The following IL16 variants were observed in gnomAD, a reference collection of about 807,000 sequenced individuals.
The protein encoded by IL16 is interleukin 16, also known as pro-interleukin-16.
A neutral mutation model predicts 110.1 loss-of-function variants in IL16; 67 were observed. The ratio of observed to expected loss-of-function variants is 0.61; its 90% confidence interval spans 0.50 to 0.75. The LOEUF is 0.75. IL16 is among the 30% of genes least tolerant of loss of function. The pLI, the probability that IL16 is intolerant of heterozygous loss-of-function variation, is 0.00. For synonymous variants in IL16, 689 were observed against 662.9 expected (o/e 1.04, Z -0.61); for missense variants, 1,545 against 1,655.0 (o/e 0.93, Z 1.15).
chr15:81,192,037 A>G (rs1895505710), upstream of IL16, among the ~76,000 whole-genome samples: 1 of 152,244 alleles, frequency 6.6e-6, no homozygotes, highest in Non-Finnish European at 1.5e-5. Flanking sequence ...CTGATACTAC[A>G]GTGGTAGATC....
chr15:81,300,406 C>T lies in IL16; in HGVS notation c.3080C>T (p.Ser1027Leu), dbSNP rs773093672. The T allele has an allele frequency of 4.3e-6, 7 of 1,614,110 alleles. No homozygotes were observed. In the South Asian group the frequency reaches 5.5e-5, roughly 13 times the overall value. ...IPKEGASPTS[S>L]SNEDSAANGS... ...AAGGAAGGGGCATCTCCAACATCAT[C>T]ATCCAACGAAGACTCAGCTGCAAAT... The change falls in exon 14 of 19, where the codon TCA (serine) becomes TTA (leucine). Residue 1027 changes from serine to leucine, a missense_variant. By Grantham distance (145) the Ser-to-Leu change is moderately radical. Coordinates refer to ENST00000683961, the MANE Select transcript of IL16 (RefSeq NM_172217.5).
chr15:81,189,212 C>T (rs1291263616), intron 1 of IL16, among the ~76,000 whole-genome samples: 2 of 151,714 alleles, frequency 1.3e-5, no homozygotes, highest in Admixed American at 6.6e-5. Context: ...CAACCTCCAC[C>T]TCCTGGGTTC....
Position 81,308,863 on chromosome 15 carries a change from T to C in IL16, c.*65T>C. The C allele has an allele frequency of 1.4e-6, 2 of 1,386,058 alleles. No homozygotes were observed. Among genetic ancestry groups the C allele is most frequent in the Admixed American group, 4.2e-5 (2 of 47,600 alleles). 85.9% of individuals were successfully genotyped at this position (1,386,058 alleles called of 1,614,324 possible). A position where few individuals can be genotyped will look rare whatever the true frequency, so the allele number is the denominator to read the frequency against. ...ACACACAGCTCCCATAACCGCTGATTCTCAGGGTCTCTGCTGCCGCCCCAC... is the reference window on the plus strand; with the variant it reads ...ACACACAGCTCCCATAACCGCTGATCCTCAGGGTCTCTGCTGCCGCCCCAC... On this transcript the variant is annotated 3_prime_UTR_variant, in exon 19 of 19. Coordinates refer to ENST00000683961, the MANE Select transcript of IL16 (RefSeq NM_172217.5).
At chr15:81,249,447 AT>A (rs1311646355) in intron 2 of IL16, among the ~76,000 whole-genome samples, 1 of 151,804 alleles carries the variant, frequency 6.6e-6, no homozygotes, top group Non-Finnish European at 1.5e-5. Context: ...TATTTTACTC[AT>A]TTTTGAAGAT....
chr15:81,292,380 T>C (rs1460939602), intron 11 of IL16, 176 bp from the exon 12 acceptor site: 10 of 910,550 alleles, frequency 1.1e-5, no homozygotes, highest in Non-Finnish European at 1.8e-5. Flanking sequence ...CCCAAAGTCA[T>C]ACAGCTCGCC....
At chr15:81,242,258 G>A (rs1057199941) in intron 2 of IL16, among the ~76,000 whole-genome samples, 1 of 152,040 alleles carries the variant, frequency 6.6e-6, no homozygotes, top group African/African-American at 2.4e-5. Flanking sequence ...GAATAATTTT[G>A]TCTATATCTA....
chr15:81,194,146 A>G (rs1420640934), upstream of IL16, among the ~76,000 whole-genome samples: 3 of 152,196 alleles, frequency 2.0e-5, no homozygotes, highest in East Asian at 5.8e-4. Flanking sequence ...CAGCCCTGTC[A>G]GATTATTGGG....
Position 81,313,555 on chromosome 15 carries a change from C to G in IL16, c.*4757C>G. 1.7e-6 allele frequency: 1 copy of G among 605,478 alleles called. No homozygotes were observed. Among genetic ancestry groups the G allele is most frequent in the African/African-American group, 1.9e-5 (1 of 52,580 alleles). 37.5% of individuals were successfully genotyped at this position (605,478 alleles called of 1,614,324 possible). ...GCTGTGCCCTCCACCCAGGAGTCCT[C>G]TCTGGACCTGCTGATTTTCAGGATG... is the stretch of plus-strand genomic sequence containing the variant. On this transcript the variant is annotated 3_prime_UTR_variant, in exon 19 of 19. Coordinates refer to ENST00000683961, the MANE Select transcript of IL16 (RefSeq NM_172217.5).
chr15:81,207,589 A>G (rs1190422423), intron 1 of IL16, among the ~76,000 whole-genome samples: 2 of 139,170 alleles, frequency 1.4e-5, no homozygotes, highest in African/African-American at 5.4e-5. Flanking sequence ...GCCAATCTTT[A>G]GCTCCTACTT....
chr15:81,204,893 G>A (rs1230498500), intron 1 of IL16, among the ~76,000 whole-genome samples: 1 of 152,144 alleles, frequency 6.6e-6, no homozygotes, highest in African/African-American at 2.4e-5. Context: ...ATAGGGCAGA[G>A]CAAGAGCCTG....
chr15:81,263,346 A>ATTTTTTTTGTTTTT lies in IL16; in HGVS notation c.422-2305_422-2304insGTTTTTTTTTTTTT, dbSNP rs1567024238. On this transcript the variant is annotated intron_variant, in intron 3 of 18. Coordinates refer to ENST00000683961, the MANE Select transcript of IL16 (RefSeq NM_172217.5). ...ATATATAGCTCCCCTTTCAAAAACT[A>ATTTTTTTTGTTTTT]TTTTTTTTTGTTTTTTTTTTTTTTG... Among the ~76,000 whole-genome samples the ATTTTTTTTGTTTTT allele has an allele frequency of 1.8e-5, 2 of 109,792 alleles. 1 individual carries two copies. The allele number at this position is 109,792 out of a possible 152,430, so 72.0% of individuals were successfully genotyped here.
chr15:81,254,081 G>A (rs1897863120), intron 2 of IL16, among the ~76,000 whole-genome samples: 1 of 152,144 alleles, frequency 6.6e-6, no homozygotes, highest in South Asian at 2.1e-4. Context: ...GCCTCAATCA[G>A]GAGGACAGTT....
intron 12 of IL16, among the ~76,000 whole-genome samples, chr15:81,296,218 G>A (rs17875498): frequency 9.3e-4 from 141 of 152,306 alleles, no homozygotes; most frequent in African/African-American, 3.3e-3. Context: ...TCTGGGCCCT[G>A]ACAGTACCTT....
In IL16 at chr15:81,300,470, G is replaced by A. The variant is rs138300473; in HGVS notation, c.3144G>A (p.Ser1048=). The A allele has an allele frequency of 1.4e-5, 22 of 1,606,546 alleles. No homozygotes were observed. In the African/African-American group the frequency reaches 1.6e-4, roughly 12 times the overall value. ...CATCTGCCTTGGACACAGGGTTCTC[G>A]CTCAAGTGAGTTTCTACACCCGGTG... ...AETSALDTGF[S]LNLSELREYT... Residue 1048 remains serine, a synonymous_variant, in exon 14 of 19, where the codon TCG becomes TCA. Transcript: ENST00000683961.
chr15:81,309,073 T>C lies in IL16; in HGVS notation c.*275T>C. 1 of 355,058 alleles carries C rather than the reference T, an allele frequency of 2.8e-6. No individual in the cohort carries two copies. Among genetic ancestry groups the C allele is most frequent in the South Asian group, 9.3e-5 (1 of 10,800 alleles). The allele number at this position is 355,058 out of a possible 1,614,324, so 22.0% of individuals were successfully genotyped here. On this transcript the variant is annotated 3_prime_UTR_variant, in exon 19 of 19. Transcript: ENST00000683961. ...TAATATTGTGGTGCCACAAATAAAA[T>C]GGATTTATTAGAATTTCATATGACA...
At chr15:81,258,907 A>G (rs993917717) in intron 2 of IL16, among the ~76,000 whole-genome samples, 11 of 152,190 alleles carry the variant, frequency 7.2e-5, no homozygotes, top group African/African-American at 2.4e-4. Flanking sequence ...GTTATAAAAT[A>G]GAATAACAAT....
intron 1 of IL16, among the ~76,000 whole-genome samples, chr15:81,208,959 A>G (rs769174960): frequency 1.3e-5 from 2 of 152,234 alleles, no homozygotes; most frequent in Non-Finnish European, 2.9e-5. Context: ...TAAGGATAAC[A>G]TTATAGGTAC....
upstream of IL16, among the ~76,000 whole-genome samples, chr15:81,194,598 TA>T (rs1486235174): frequency 1.2e-4 from 18 of 152,046 alleles, no homozygotes; most frequent in Non-Finnish European, 2.1e-4. Flanking sequence ...ATTTTGTAAT[TA>T]AAAAATAGGA....
intron 15 of IL16, among the ~76,000 whole-genome samples, chr15:81,302,741 T>C (rs547478870): frequency 6.6e-6 from 1 of 152,318 alleles, no homozygotes; most frequent in East Asian, 1.9e-4. Flanking sequence ...TTGAATTCTA[T>C]ACATGATAAA....
Sources: allele counts gnomAD v4.1 joint callset (sites outside exome capture counted in the v4.1 genomes callset), GRCh38; gene constraint gnomAD v4.1.1; transcripts MANE v1.5; gene names NCBI Gene and HGNC (gene_info 2026-07-23, HGNC 2026-07-21).